KMT2C: variants seen among roughly 807,000 people sequenced by gnomAD.
KMT2C encodes the protein histone-lysine N-methyltransferase 2C.
In KMT2C, 88 loss-of-function variants were observed where a neutral mutation model predicts 507.9. The observed-to-expected ratio is 0.17, with a 90% confidence interval of 0.15 to 0.21. The LOEUF (loss-of-function observed/expected upper bound fraction) is 0.21, where lower values mean the gene tolerates loss of function less well. KMT2C is among the 10% of genes least tolerant of loss of function. The probability of loss-of-function intolerance (pLI) is 1.00; values close to 1 mark genes in which losing one functional copy is unlikely to be tolerated. For synonymous variants in KMT2C, 2,049 were observed against 2,080.8 expected (o/e 0.98, Z 0.42); for missense variants, 4,954 against 5,957.8 (o/e 0.83, Z 5.55).
At chr7:152,335,643 A>G (rs535902484) in intron 2 of KMT2C, among the ~76,000 whole-genome samples, 1 of 152,338 alleles carries the variant, frequency 6.6e-6, no homozygotes, top group African/African-American at 2.4e-5. Context: ...CTAGCGAAGT[A>G]TATAACAGTT....
intron 9 of KMT2C, among the ~76,000 whole-genome samples, chr7:152,255,109 TTATATATA>T (rs1207305132): frequency 0.022 from 1,699 of 78,340 alleles, 43 homozygotes; most frequent in East Asian, 0.037. Flanking sequence ...CAACTCTCAC[TTATATATA>T]TATATATATA....
At chr7:152,161,127 GCT>G (rs1412755927) in intron 43 of KMT2C, among the ~76,000 whole-genome samples, 1 of 152,184 alleles carries the variant, frequency 6.6e-6, no homozygotes, top group Non-Finnish European at 1.5e-5. Context: ...TGGAGACTGT[GCT>G]GGAGAGTTGC....
Position 152,302,723 on chromosome 7 carries a change from C to A in KMT2C, c.849+7243G>T, listed in dbSNP as rs546554984. Among the ~76,000 whole-genome samples the A allele has an allele frequency of 1.9e-3, 282 of 151,570 alleles. 6 individuals carry two copies. The highest frequency in any genetic ancestry group is 0.019 in the Admixed American group (282 of 15,214). On this transcript the variant is annotated intron_variant, in intron 6 of 58. Coordinates refer to ENST00000262189, the MANE Select transcript of KMT2C (RefSeq NM_170606.3). ...GTGGCGAAAACTCAGCTCACTACAA[C>A]CTCCACCTCCTGGGTTCAAGAAATT... is the stretch of plus-strand genomic sequence containing the variant.
intron 46 of KMT2C, among the ~76,000 whole-genome samples, chr7:152,155,164 C>T (rs564577089): frequency 2.0e-5 from 3 of 152,072 alleles, no homozygotes; most frequent in Non-Finnish European, 2.9e-5. Flanking sequence ...TGCAGGAGAC[C>T]CAAGAAAGGC....
Position 152,150,915 on chromosome 7 carries a change from T to G in KMT2C, c.12759A>C (p.Lys4253Asn), listed in dbSNP as rs765541383. Residue 4253 changes from lysine (K) to asparagine (N), a missense_variant, in exon 51 of 59, where the codon AAA becomes AAC. Coordinates refer to ENST00000262189, the MANE Select transcript of KMT2C (RefSeq NM_170606.3). ...CTAATCTCACCTTGTTTTCTGAGTT[T>G]TTCGCTTGTGCAGTTGATGAATAAA... ...FILYSSTAQA[K>N]NSENKESIPS... 1 of 1,609,632 alleles carries G rather than the reference T, an allele frequency of 6.2e-7. No homozygotes were observed. Among genetic ancestry groups the G allele is most frequent in the Admixed American group, 1.7e-5 (1 of 59,888 alleles).
Position 152,187,796 on chromosome 7 carries a change from T to G in KMT2C, c.4712A>C (p.His1571Pro), listed in dbSNP as rs1216123825. 4 of 1,613,870 alleles carry G rather than the reference T, an allele frequency of 2.5e-6. No homozygotes were observed. The East Asian group carries it at 8.9e-5, about 36-fold the overall frequency. The change falls in exon 32 of 59, where the codon CAT becomes CCT. Residue 1571 changes from histidine to proline, a missense_variant. Physicochemically the swap from His to Pro is moderately conservative, Grantham distance 77 (BLOSUM62 -2). This residue lies in a region of KMT2C where 195 missense variants were observed against 183.7 expected (regional missense o/e 1.06). Coordinates refer to ENST00000262189, the MANE Select transcript of KMT2C (RefSeq NM_170606.3). ...LMNGLIGSSPHLPHNSLPPGS... is the reference protein window; with the variant it reads ...LMNGLIGSSPPLPHNSLPPGS... ...AGGTGGCAAAGAATTATGTGGGAGA[T>G]GAGGACTGGATCCAATAAGGCCATT...
At chr7:152,153,826 A>G (rs999132799) in intron 48 of KMT2C, among the ~76,000 whole-genome samples, 184 bp downstream of exon 48, 1 of 152,110 alleles carries the variant, frequency 6.6e-6, no homozygotes. Context: ...GTAGGCTGAG[A>G]CCAATTCAAT....
Position 152,163,075 on chromosome 7 carries a change from A to G in KMT2C, c.10502T>C (p.Phe3501Ser), listed in dbSNP as rs376522112. 3.7e-6 allele frequency: 6 copies of G among 1,614,086 alleles called. No homozygotes were observed. The African/African-American group carries it at 5.3e-5, about 14-fold the overall frequency. Residue 3501 changes from phenylalanine to serine, a missense_variant, in exon 43 of 59, where the codon TTC (phenylalanine) becomes TCC (serine). This residue lies in a region of KMT2C where 801 missense variants were observed against 751.2 expected (regional missense o/e 1.07). Transcript: ENST00000262189. ...GSINSPSTQT[F>S]MQTNERRQVG... The stretch of plus-strand genomic sequence containing the variant: ...CTGCCTTCGCTCATTAGTCTGCATG[A>G]AAGTTTGGGTGGAGGGTGAATTAAT...
chr7:152,149,499 G>A (rs2129095892), intron 51 of KMT2C, among the ~76,000 whole-genome samples: 1 of 152,304 alleles, frequency 6.6e-6, no homozygotes, highest in East Asian at 1.9e-4. Context: ...CACTCACAAT[G>A]CTGTCAGAAG....
chr7:152,214,917 A>G (rs1383060869), intron 23 of KMT2C, among the ~76,000 whole-genome samples: 2 of 152,196 alleles, frequency 1.3e-5, no homozygotes, highest in Admixed American at 1.3e-4. Flanking sequence ...ACAGTTAATA[A>G]TATTGTAATG....
At chr7:152,418,416 T>C (rs1011114020) in intron 1 of KMT2C, among the ~76,000 whole-genome samples, 1 of 152,046 alleles carries the variant, frequency 6.6e-6, no homozygotes, top group Non-Finnish European at 1.5e-5. Context: ...ACATAAATTA[T>C]AGTGTGGTTA....
Position 152,250,936 on chromosome 7 carries a change from G to C in KMT2C, c.1652C>G (p.Pro551Arg). The change falls in exon 12 of 59, where the codon CCT becomes CGT. Residue 551 changes from proline (P) to arginine (R), a missense_variant. Pro to Arg is a moderately radical substitution (Grantham distance 103). This residue lies in a region of KMT2C where 376 missense variants were observed against 352.4 expected (regional missense o/e 1.07). Coordinates refer to ENST00000262189, the MANE Select transcript of KMT2C (RefSeq NM_170606.3). The stretch of plus-strand genomic sequence containing the variant: ...CTCTGAGAATACCATTTGATCTTCA[G>C]GGCCTTCAACTTCCATTTCATTGTT... ...DYNNEMEVEG[P>R]EDQMVFSEQA... 1.9e-6 allele frequency: 3 copies of C among 1,606,766 alleles called. No individual in the cohort carries two copies. The highest frequency in any genetic ancestry group is 2.7e-5 in the African/African-American group (2 of 74,798).
Position 152,203,035 on chromosome 7 carries a change from C to T in KMT2C, c.3991G>A (p.Val1331Ile). 6.2e-7 allele frequency: 1 copy of T among 1,610,528 alleles called. No homozygotes were observed. The highest frequency in any genetic ancestry group is 2.2e-5 in the East Asian group (1 of 44,682). The change falls in exon 26 of 59, where the codon GTT (valine) becomes ATT (isoleucine). Residue 1331 changes from valine to isoleucine, a missense_variant. Physicochemically the swap from Val to Ile is conservative, Grantham distance 29 (BLOSUM62 3). Around this residue, in one of 29 missense-constraint regions of KMT2C, gnomAD observed 176 missense variants for 262.0 expected, o/e 0.67. Transcript: ENST00000262189. ...GWSEQLPDTL[V>I]DESVSVTEST... is the part of the protein sequence containing the mutation. ...TCAGTAACAGAAACAGATTCATCAA[C>T]TAAAGTATCTGGTAACTGCTCACTC...
intron 5 of KMT2C, 70 bp downstream of exon 5, chr7:152,311,728 A>G (rs759338892): frequency 1.2e-5 from 14 of 1,151,208 alleles, no homozygotes; most frequent in Non-Finnish European, 1.7e-5. Flanking sequence ...TATTGAGGAC[A>G]TTAATAATGT....
At chr7:152,306,462 G>A (rs994258736) in intron 6 of KMT2C, among the ~76,000 whole-genome samples, 2 of 152,054 alleles carry the variant, frequency 1.3e-5, no homozygotes, top group Non-Finnish European at 2.9e-5. Flanking sequence ...TTATCTGCAT[G>A]GTACTCCATT....
intron 23 of KMT2C, among the ~76,000 whole-genome samples, chr7:152,213,783 T>C (rs1362603674): frequency 7.0e-6 from 1 of 143,148 alleles, no homozygotes; most frequent in Non-Finnish European, 1.5e-5. Flanking sequence ...GGTGAAAAGG[T>C]AGCACAGGGA....
At chr7:152,369,949 T>C (rs1180904700) in intron 1 of KMT2C, among the ~76,000 whole-genome samples, 1 of 152,180 alleles carries the variant, frequency 6.6e-6, no homozygotes, top group East Asian at 1.9e-4. Flanking sequence ...CGGTGGCTCA[T>C]GCCTGTAATC....
rs774506639 is a variant in KMT2C at position 152,181,834 on chromosome 7, T to A, written c.6026A>T (p.Lys2009Ile). ...AAACACATCTGCCCTAGGAGATGGT[T>A]TAGTAAAGTGATCACTGGTTCCAGC... ...IAAGTSDHFT[K>I]PSPRADVFQR... The change falls in exon 36 of 59, where the codon AAA becomes ATA. Residue 2009 changes from lysine to isoleucine, a missense_variant. Physicochemically the swap from Lys to Ile is moderately radical, Grantham distance 102. This residue lies in a region of KMT2C where 1,689 missense variants were observed against 1,654.3 expected (regional missense o/e 1.02). Coordinates refer to ENST00000262189, the MANE Select transcript of KMT2C (RefSeq NM_170606.3). 1 of 1,614,046 alleles carries A rather than the reference T, an allele frequency of 6.2e-7. No individual in the cohort carries two copies. Among genetic ancestry groups the A allele is most frequent in the Admixed American group, 1.7e-5 (1 of 60,018 alleles).
At chr7:152,259,770 T>A (rs1278033841) in intron 9 of KMT2C, among the ~76,000 whole-genome samples, 1 of 152,196 alleles carries the variant, frequency 6.6e-6, no homozygotes, top group Non-Finnish European at 1.5e-5. Context: ...CAAACTAGAC[T>A]GACAGCCCTG....
Sources: allele counts gnomAD v4.1 joint callset (sites outside exome capture counted in the v4.1 genomes callset), GRCh38; gene constraint gnomAD v4.1.1; regional missense constraint gnomAD v4.1.1; transcripts MANE v1.5; gene names NCBI Gene and HGNC (gene_info 2026-07-23, HGNC 2026-07-21).